Variants in UBE3D observed in about 807,000 individuals in gnomAD.
The protein encoded by UBE3D is ubiquitin protein ligase E3D.
In UBE3D, 48 loss-of-function variants were observed where a neutral mutation model predicts 49.6. That is an observed-to-expected ratio of 0.97 (90% CI 0.77 to 1.23). The LOEUF (loss-of-function observed/expected upper bound fraction) is 1.23, where lower values mean the gene tolerates loss of function less well. UBE3D is among the 50% of genes most tolerant of loss of function. UBE3D has a pLI of 0.00. For missense variants in UBE3D, 452 were observed against 468.4 expected (o/e 0.96, Z 0.32); for synonymous variants, 189 against 174.2 (o/e 1.08, Z -0.67).
intron 1 of UBE3D, among the ~76,000 whole-genome samples, chr6:83,062,074 ATATATT>A (rs1267967709): frequency 6.6e-6 from 1 of 152,084 alleles, no homozygotes; most frequent in Non-Finnish European, 1.5e-5. Flanking sequence ...TCTATCAAAT[ATATATT>A]TATTTTGTAT....
intron 8 of UBE3D, among the ~76,000 whole-genome samples, chr6:82,996,004 G>T (rs568160054): frequency 2.0e-5 from 3 of 152,246 alleles, no homozygotes; most frequent in African/African-American, 7.2e-5. Flanking sequence ...GGCAGAGGTT[G>T]CAGTGAGCTG....
At chr6:82,928,956 T>C (rs1017058427) in intron 9 of UBE3D, among the ~76,000 whole-genome samples, 2 of 152,198 alleles carry the variant, frequency 1.3e-5, no homozygotes, top group Admixed American at 1.3e-4. Flanking sequence ...TAATCAATTA[T>C]TCTGCATTAT....
intron 9 of UBE3D, among the ~76,000 whole-genome samples, chr6:82,943,983 A>G (rs12154176): frequency 0.16 from 24,359 of 152,076 alleles, 1,989 homozygotes; most frequent in South Asian, 0.17. Context: ...ACTTGAGTTC[A>G]GTCAAGCTTT....
intron 8 of UBE3D, among the ~76,000 whole-genome samples, chr6:82,970,708 A>G (rs1309550448): frequency 6.6e-6 from 1 of 152,004 alleles, no homozygotes; most frequent in Non-Finnish European, 1.5e-5. Flanking sequence ...GCGTGGTGGC[A>G]GGCATCTGTA....
chr6:82,887,320 CAA>C, the UBE3D span, among the ~76,000 whole-genome samples: 253 of 66,906 alleles, frequency 3.8e-3, 1 homozygote, highest in African/African-American at 9.5e-3. Context: ...AAGACTGTCT[CAA>C]AAAAAAAAAA....
In UBE3D at chr6:82,990,206, C is replaced by T. The variant is rs1778788927; in HGVS notation, c.1010+28767G>A. On this transcript the variant is annotated intron_variant, in intron 8 of 9. Coordinates refer to ENST00000369747, the MANE Select transcript of UBE3D (RefSeq NM_198920.3). ...GTTGTTTGTGAAAGGAAAATAAAAT[C>T]TCAGGACCCTAATTCACTATGCCAA... Among the ~76,000 whole-genome samples the T allele has an allele frequency of 2.0e-5, 3 of 152,182 alleles. No homozygotes were observed. The South Asian group carries it at 6.2e-4, about 32-fold the overall frequency.
intron 8 of UBE3D, among the ~76,000 whole-genome samples, chr6:83,005,753 CGAAAA>C (rs1562176319): frequency 6.6e-6 from 1 of 151,320 alleles, no homozygotes; most frequent in Non-Finnish European, 1.5e-5. Context: ...CACTGACAGA[CGAAAA>C]GATAAACAAA....
At chr6:82,946,978 C>T (rs1201623408) in intron 9 of UBE3D, among the ~76,000 whole-genome samples, 2 of 148,482 alleles carry the variant, frequency 1.3e-5, no homozygotes, top group African/African-American at 2.5e-5. Context: ...AAAAGCAAGA[C>T]AGGAAGGAAA....
intron 5 of UBE3D, chr6:83,037,360 T>A (rs1369865229): frequency 1.3e-5 from 2 of 152,238 alleles, no homozygotes; most frequent in Non-Finnish European, 2.9e-5. Context: ...TTTGTAGATA[T>A]ATATCTTTTC....
At chr6:83,049,616 C>T (rs555417703) in intron 3 of UBE3D, 6 of 323,596 alleles carry the variant, frequency 1.9e-5, no homozygotes, top group Non-Finnish European at 3.9e-5. Context: ...GATATCCTGA[C>T]ATCTCATGTT....
chr6:83,017,618 T>G (rs183222067), intron 8 of UBE3D: 1 of 152,110 alleles, frequency 6.6e-6, no homozygotes, highest in Non-Finnish European at 1.5e-5. Context: ...AAATGGAAAT[T>G]TGGGTGAGAG....
intron 8 of UBE3D, chr6:83,017,368 T>C (rs1173769174): frequency 6.6e-6 from 1 of 152,034 alleles, no homozygotes; most frequent in Non-Finnish European, 1.5e-5. Context: ...AATTTGATGA[T>C]ATAAACCTAA....
At chr6:82,978,198 A>C (rs907198262) in intron 8 of UBE3D, among the ~76,000 whole-genome samples, 14 of 152,148 alleles carry the variant, frequency 9.2e-5, no homozygotes, top group African/African-American at 3.4e-4. Context: ...GTGCTCAGTG[A>C]AACAGTTTGA....
intron 5 of UBE3D, among the ~76,000 whole-genome samples, chr6:83,035,026 T>TA: frequency 6.6e-6 from 1 of 151,364 alleles, no homozygotes; most frequent in East Asian, 1.9e-4. Context: ...TACAAAAAAT[T>TA]AAAAATTAGT....
intron 9 of UBE3D, among the ~76,000 whole-genome samples, chr6:82,920,524 C>G (rs867038341): frequency 3.3e-5 from 5 of 152,316 alleles, no homozygotes; most frequent in African/African-American, 9.6e-5. Context: ...CCAAGGTCAA[C>G]ATTATGAATT....
At chr6:82,908,538 C>T (rs547132977) in intron 9 of UBE3D, among the ~76,000 whole-genome samples, 32 of 152,152 alleles carry the variant, frequency 2.1e-4, no homozygotes, top group South Asian at 6.2e-4. Flanking sequence ...TACTGAAATA[C>T]GAAAATAAGA....
intron 5 of UBE3D, among the ~76,000 whole-genome samples, chr6:83,025,090 T>C (rs1324106432): frequency 2.0e-5 from 3 of 152,254 alleles, no homozygotes; most frequent in Non-Finnish European, 4.4e-5. Context: ...AAACATCATA[T>C]AACTGAATAA....
At chr6:82,979,958 T>C (rs186697858) in intron 8 of UBE3D, among the ~76,000 whole-genome samples, 185 of 152,320 alleles carry the variant, frequency 1.2e-3, no homozygotes, top group African/African-American at 3.9e-3. Context: ...CATTCCTTTC[T>C]TTATATATAC....
At chr6:83,042,030 C>T (rs1782709348) in intron 4 of UBE3D, among the ~76,000 whole-genome samples, 1 of 152,086 alleles carries the variant, frequency 6.6e-6, no homozygotes, top group East Asian at 1.9e-4. Context: ...CTGCCTCAGC[C>T]TCCTGAGTAG....
Sources: allele counts gnomAD v4.1 joint callset (sites outside exome capture counted in the v4.1 genomes callset), GRCh38; gene constraint gnomAD v4.1.1; transcripts MANE v1.5; gene names NCBI Gene and HGNC (gene_info 2026-07-23, HGNC 2026-07-21).